ACAA2: variants seen among roughly 807,000 people sequenced by gnomAD.
ACAA2 encodes the protein acetyl-CoA acyltransferase 2.
In ACAA2, 35 loss-of-function variants were observed where a neutral mutation model predicts 44.8. That is an observed-to-expected ratio of 0.78 (90% confidence interval 0.60 to 1.04). ACAA2 has a LOEUF of 1.04. Among genes scored for constraint, ACAA2 ranks in the 50% least tolerant of loss-of-function variants. ACAA2 has a pLI of 0.00. For missense variants in ACAA2, 468 were observed against 482.6 expected (o/e 0.97, Z 0.28); for synonymous variants, 142 against 166.5 (o/e 0.85, Z 1.13).
Position 49,783,505 on chromosome 18 carries a change from GAAGTT to G in ACAA2, c.*337_*341del. The G allele has an allele frequency of 5.5e-6, 1 of 182,274 alleles. No individual in the cohort carries two copies. The allele number at this position is 182,274 out of a possible 1,614,324, so 11.3% of individuals were successfully genotyped here. A position where few individuals can be genotyped will look rare whatever the true frequency, so the allele number is the denominator to read the frequency against. Reference sequence around the variant, plus strand: ...TATAAATGACAGGAAAATATTAACTGAAGTTAAGGCAACATTTATTTGATTTCCTT... The same window carrying G: ...TATAAATGACAGGAAAATATTAACTGAAGGCAACATTTATTTGATTTCCTT... On this transcript the variant is annotated 3_prime_UTR_variant, in exon 10 of 10. Transcript: ENST00000285093.
chr18:49,801,415 T>C (rs555850969), intron 2 of ACAA2, among the ~76,000 whole-genome samples: 4 of 152,312 alleles, frequency 2.6e-5, no homozygotes, highest in South Asian at 2.1e-4. Context: ...TTCAAAATTC[T>C]AGAAAACGCA....
chr18:49,788,857 T>TTCTTGTTAGGA (rs1405782627), intron 7 of ACAA2, among the ~76,000 whole-genome samples: 1 of 152,130 alleles, frequency 6.6e-6, no homozygotes, highest in African/African-American at 2.4e-5. Context: ...AGGTTTAGTA[T>TTCTTGTTAGGA]TCTTGTTAGG....
At chr18:49,791,708 G>T in intron 6 of ACAA2, 109 bp from the exon 7 acceptor site, 1 of 1,105,874 alleles carries the variant, frequency 9.0e-7, no homozygotes, top group Non-Finnish European at 1.3e-6. Context: ...TAGGAAGCCA[G>T]TGCACAGTGT....
At chr18:49,799,847 G>GGATGTGA in intron 2 of ACAA2, among the ~76,000 whole-genome samples, 1 of 63,708 alleles carries the variant, frequency 1.6e-5, no homozygotes, top group South Asian at 7.4e-4. Flanking sequence ...CTGGGATGTG[G>GGATGTGA]GGAGCGCCTC....
chr18:49,802,689 G>A lies in ACAA2; in HGVS notation c.181C>T (p.Gln61Ter). Residue 61 changes from glutamine (Q) to a stop codon, truncating the protein, a stop_gained and splice_region_variant, in exon 2 of 10, where the codon CAG becomes TAG. Coordinates refer to ENST00000285093, the MANE Select transcript of ACAA2 (RefSeq NM_006111.3). LOFTEE classifies it high-confidence loss of function. The part of the protein sequence containing the change: ...VDSVIMGNVL[Q>*]SSSDAIYLAR... ...ACACCTTCCTTTACTCTACTAACCT[G>A]CAGGACATTGCCCATAATCACACTG... The A allele has an allele frequency of 6.2e-7, 1 of 1,613,442 alleles. No homozygotes were observed.
chr18:49,808,089 G>C (rs892215274), intron 1 of ACAA2, among the ~76,000 whole-genome samples: 1 of 151,432 alleles, frequency 6.6e-6, no homozygotes, highest in African/African-American at 2.4e-5. Context: ...CATATGAAAA[G>C]ATGCTCAACA....
At chr18:49,790,004 G>A (rs1157230853) in intron 7 of ACAA2, among the ~76,000 whole-genome samples, 1 of 152,118 alleles carries the variant, frequency 6.6e-6, no homozygotes, top group Non-Finnish European at 1.5e-5. Flanking sequence ...TGGACTTACT[G>A]AAACAAAATC....
At chr18:49,792,424 C>T (rs941234764) in intron 5 of ACAA2, 97 bp from the exon 6 acceptor site, 49 of 1,109,022 alleles carry the variant, frequency 4.4e-5, no homozygotes, top group Middle Eastern at 3.0e-4. Flanking sequence ...CTACCTTTTC[C>T]TCACAGTCTA....
intron 5 of ACAA2, 135 bp downstream of exon 5, chr18:49,794,145 C>T: frequency 1.4e-6 from 1 of 735,724 alleles, no homozygotes; most frequent in Non-Finnish European, 1.9e-6. Context: ...CATCTAAAGA[C>T]AAAGGAATAA....
Position 49,801,050 on chromosome 18 carries a change from A to G in ACAA2, c.183+1637T>C, listed in dbSNP as rs139743817. Among the ~76,000 whole-genome samples the G allele has an allele frequency of 2.5e-3, 379 of 152,352 alleles. 2 individuals are homozygous for G. The highest frequency in any genetic ancestry group is 8.3e-3 in the African/African-American group (347 of 41,576). On this transcript the variant is annotated intron_variant, in intron 2 of 9. Transcript: ENST00000285093. ...CAGGGCAATTAGGGAAGAAAAAGAAATAAAAAGAATCCACATTGGATTTCA... is the reference window on the plus strand; with the variant it reads ...CAGGGCAATTAGGGAAGAAAAAGAAGTAAAAAGAATCCACATTGGATTTCA...
intron 1 of ACAA2, 61 bp from the exon 2 acceptor site, chr18:49,802,914 C>T (rs547481320): frequency 1.4e-5 from 21 of 1,547,666 alleles, no homozygotes; most frequent in East Asian, 4.5e-5. Context: ...CTAAATGCTT[C>T]GAATAATCTC....
chr18:49,789,738 C>T (rs1206027240), intron 7 of ACAA2, among the ~76,000 whole-genome samples: 1 of 151,170 alleles, frequency 6.6e-6, no homozygotes, highest in Non-Finnish European at 1.5e-5. Context: ...AATCCTAGCA[C>T]TTTGGGAGGC....
Position 49,797,511 on chromosome 18 carries a change from A to G in ACAA2, c.267T>C (p.Asn89=), listed in dbSNP as rs1467907614. 1 of 1,612,094 alleles carries G rather than the reference A, an allele frequency of 6.2e-7. No homozygotes were observed. Among genetic ancestry groups the G allele is most frequent in the Non-Finnish European group, 8.5e-7 (1 of 1,179,702 alleles). Residue 89 remains asparagine, a synonymous_variant, in exon 3 of 10, where the codon AAT becomes AAC. Transcript: ENST00000285093. ...IPKETPALTI[N]RLCGSGFQSI... is the part of the protein sequence containing the mutation. ...ACTGAAAACCAGAACCACAGAGCCT[A>G]TTAATCGTGAGAGCTGGGGTCTCCT...
At chr18:49,798,220 A>G (rs2023487245) in intron 2 of ACAA2, among the ~76,000 whole-genome samples, 1 of 152,212 alleles carries the variant, frequency 6.6e-6, no homozygotes, top group African/African-American at 2.4e-5. Flanking sequence ...CATCCCAAGT[A>G]ATTCTAATGT....
chr18:49,793,270 T>C (rs1052021692), intron 5 of ACAA2, among the ~76,000 whole-genome samples: 10 of 152,224 alleles, frequency 6.6e-5, no homozygotes, highest in South Asian at 2.1e-4. Flanking sequence ...GCTTTGGAAA[T>C]AGGGTCAGGA....
chr18:49,812,852 A>C (rs1216936259), intron 1 of ACAA2: 1 of 152,154 alleles, frequency 6.6e-6, no homozygotes, highest in Non-Finnish European at 1.5e-5. Flanking sequence ...TACATCCTTA[A>C]AGTAAGATTC....
intron 1 of ACAA2, among the ~76,000 whole-genome samples, chr18:49,811,698 A>G (rs1354555685): frequency 6.6e-6 from 1 of 152,108 alleles, no homozygotes; most frequent in African/African-American, 2.4e-5. Flanking sequence ...TAACATCACT[A>G]TTTCAAGCTC....
At chr18:49,786,594 A>G (rs1213262817) in intron 8 of ACAA2, 2 of 151,820 alleles carry the variant, frequency 1.3e-5, no homozygotes, top group Non-Finnish European at 2.9e-5. Context: ...AGTTAAATAG[A>G]TTTCCTTTGT....
intron 7 of ACAA2, among the ~76,000 whole-genome samples, chr18:49,788,393 T>G (rs751921911): frequency 1.3e-5 from 2 of 152,182 alleles, no homozygotes; most frequent in Non-Finnish European, 2.9e-5. Context: ...GAAACCTAAA[T>G]ATAATATTTA....
Sources: allele counts gnomAD v4.1 joint callset (sites outside exome capture counted in the v4.1 genomes callset), GRCh38; gene constraint gnomAD v4.1.1; transcripts MANE v1.5; gene names NCBI Gene and HGNC (gene_info 2026-07-23, HGNC 2026-07-21).